Variants in POT1 observed in about 807,000 individuals in gnomAD.
The protein encoded by POT1 is protection of telomeres 1, also known as protection of telomeres protein 1.
POT1 carries 47 observed loss-of-function variants against 78.5 expected under a neutral mutation model. The ratio of observed to expected loss-of-function variants is 0.60; its 90% CI spans 0.47 to 0.76. POT1 has a LOEUF of 0.76. POT1 is among the 30% of genes least tolerant of loss of function. The pLI is 0.00. For synonymous variants in POT1, 259 were observed against 260.7 expected (o/e 0.99, Z 0.06); for missense variants, 646 against 749.9 (o/e 0.86, Z 1.62).
chr7:124,902,633 C>T (rs1796650396), intron 3 of POT1, among the ~76,000 whole-genome samples: 1 of 152,130 alleles, frequency 6.6e-6, no homozygotes, highest in Non-Finnish European at 1.5e-5. Context: ...AGCAAAATAA[C>T]CAGCTAACAT....
At chr7:124,889,700 A>AG (rs35630102) in intron 6 of POT1, among the ~76,000 whole-genome samples, 93,979 of 151,778 alleles carry the variant, frequency 0.62, 29,414 homozygotes, top group African/African-American at 0.71. Context: ...TTTCAAAATT[A>AG]GCAAAACCAA....
Position 124,823,742 on chromosome 7 carries a change from C to T in POT1, c.*220G>A. ...CTCAGCAGTACTTGTTTAAGCAGGT[C>T]TCTTTGTACAAAAGCAAAACAGAAA... On this transcript the variant is annotated 3_prime_UTR_variant, in exon 19 of 19. Transcript: ENST00000357628. 2 of 499,172 alleles carry T rather than the reference C, an allele frequency of 4.0e-6. No homozygotes were observed. Among genetic ancestry groups the T allele is most frequent in the South Asian group, 5.2e-5 (2 of 38,108 alleles). 30.9% of individuals were successfully genotyped at this position (499,172 alleles called of 1,614,324 possible).
intron 11 of POT1, among the ~76,000 whole-genome samples, chr7:124,849,386 T>C (rs1451807221): frequency 6.6e-6 from 1 of 152,084 alleles, no homozygotes; most frequent in Non-Finnish European, 1.5e-5. Context: ...CGTTTGTAAA[T>C]ATATAGTAAG....
At chr7:124,905,331 T>C (rs1796737917) in intron 3 of POT1, among the ~76,000 whole-genome samples, 1 of 151,912 alleles carries the variant, frequency 6.6e-6, no homozygotes, top group Non-Finnish European at 1.5e-5. Context: ...ATACCACACA[T>C]CTACAACCAT....
intron 12 of POT1, among the ~76,000 whole-genome samples, chr7:124,844,357 G>A (rs1460754547): frequency 1.2e-4 from 18 of 150,756 alleles, no homozygotes; most frequent in African/African-American, 2.2e-4. Flanking sequence ...TCGAACTCCC[G>A]TCCTCAGGTG....
intron 11 of POT1, among the ~76,000 whole-genome samples, chr7:124,850,531 TA>T (rs1795278849): frequency 6.6e-6 from 1 of 152,088 alleles, no homozygotes; most frequent in Admixed American, 6.5e-5. Flanking sequence ...ATCGAGACCA[TA>T]CTGGCTAACA....
At chr7:124,909,336 G>C (rs1382538798) in intron 3 of POT1, among the ~76,000 whole-genome samples, 4 of 151,978 alleles carry the variant, frequency 2.6e-5, no homozygotes, top group Middle Eastern at 3.4e-3. Context: ...TTAAAATCTT[G>C]TTAAAATTCA....
At chr7:124,906,875 T>C (rs914399602) in intron 3 of POT1, among the ~76,000 whole-genome samples, 92 of 152,060 alleles carry the variant, frequency 6.1e-4, no homozygotes, top group African/African-American at 2.1e-3. Flanking sequence ...ACACAGAGGA[T>C]AAGAAAAATA....
chr7:124,849,391 A>G (rs1192337585), intron 11 of POT1, among the ~76,000 whole-genome samples: 1 of 152,188 alleles, frequency 6.6e-6, no homozygotes, highest in Non-Finnish European at 1.5e-5. Flanking sequence ...GTAAATATAT[A>G]GTAAGATTTT....
At chr7:124,927,072 AT>A (rs1456528387) in intron 2 of POT1, among the ~76,000 whole-genome samples, 1 of 152,280 alleles carries the variant, frequency 6.6e-6, no homozygotes, top group East Asian at 1.9e-4. Context: ...TCCCACACCT[AT>A]TTACAAAATA....
intron 9 of POT1, among the ~76,000 whole-genome samples, chr7:124,857,196 T>G (rs1795467290): frequency 6.6e-6 from 1 of 152,254 alleles, no homozygotes; most frequent in Non-Finnish European, 1.5e-5. Context: ...AGATCTTCAC[T>G]CTTACTGTTT....
intron 14 of POT1, among the ~76,000 whole-genome samples, chr7:124,837,701 C>T (rs962224584): frequency 1.3e-5 from 2 of 151,990 alleles, no homozygotes; most frequent in Non-Finnish European, 2.9e-5. Flanking sequence ...GGAATGTTTC[C>T]TAACTCTTAT....
intron 6 of POT1, among the ~76,000 whole-genome samples, chr7:124,885,779 T>TAA (rs1796230491): frequency 1.1e-5 from 1 of 92,534 alleles, no homozygotes; most frequent in Non-Finnish European, 2.4e-5. Flanking sequence ...AATAAATAAA[T>TAA]AAATAAAAAT....
chr7:124,878,936 C>A, intron 6 of POT1, among the ~76,000 whole-genome samples: 1 of 151,864 alleles, frequency 6.6e-6, no homozygotes, highest in Non-Finnish European at 1.5e-5. Flanking sequence ...TAAACAACAA[C>A]ACTGAATAAA....
chr7:124,857,929 C>T (rs1795486851), intron 9 of POT1, among the ~76,000 whole-genome samples: 1 of 152,124 alleles, frequency 6.6e-6, no homozygotes, highest in Non-Finnish European at 1.5e-5. Context: ...CAGGGGTCAC[C>T]AGCACCCTCT....
At chr7:124,851,849 T>A (rs912771566) in intron 11 of POT1, 23 bp downstream of exon 11, 2 of 1,484,024 alleles carry the variant, frequency 1.3e-6, no homozygotes, top group African/African-American at 2.8e-5. Context: ...AACTAAACTG[T>A]CAATGTTAAA....
chr7:124,911,407 T>G (rs1352726417), intron 3 of POT1, among the ~76,000 whole-genome samples: 2 of 152,154 alleles, frequency 1.3e-5, no homozygotes, highest in African/African-American at 2.4e-5. Flanking sequence ...GAGACTTCTT[T>G]GTAGTATATT....
intron 13 of POT1, among the ~76,000 whole-genome samples, chr7:124,841,457 C>T (rs1795027038): frequency 2.0e-5 from 3 of 151,798 alleles, no homozygotes; most frequent in African/African-American, 4.8e-5. Flanking sequence ...CAAAGTTACT[C>T]ATAATTATTT....
intron 6 of POT1, among the ~76,000 whole-genome samples, chr7:124,871,622 A>T (rs1795871120): frequency 1.3e-5 from 2 of 152,090 alleles, no homozygotes; most frequent in Admixed American, 1.3e-4. Flanking sequence ...AACAAAAGAG[A>T]GGTATTTTTA....
Sources: gnomAD v4.1 joint callset for allele counts (sites outside exome capture counted in the v4.1 genomes callset) on GRCh38, gnomAD v4.1.1 for gene constraint, MANE v1.5 for transcripts, NCBI Gene and HGNC (gene_info 2026-07-23, HGNC 2026-07-21) for gene names.